The following PPP1R37 variants were observed in gnomAD, a reference collection of about 807,000 sequenced individuals.
PPP1R37 encodes protein phosphatase 1 regulatory subunit 37, also known as leucine rich repeat containing 68.
In PPP1R37, 21 loss-of-function variants were observed where a neutral mutation model predicts 61.0. That is an observed-to-expected ratio of 0.34 (90% CI 0.24 to 0.50). The LOEUF (loss-of-function observed/expected upper bound fraction) is 0.50, where lower values mean the gene tolerates loss of function less well. PPP1R37 is among the 20% of genes least tolerant of loss of function. The pLI is 0.98. For missense variants in PPP1R37, 910 were observed against 952.7 expected (o/e 0.96, Z 0.59); for synonymous variants, 443 against 433.5 (o/e 1.02, Z -0.27).
At chr19:45,143,842 T>G (rs1968646666) in intron 8 of PPP1R37, 2 of 431,872 alleles carry the variant, frequency 4.6e-6, no homozygotes, top group Non-Finnish European at 8.4e-6. Flanking sequence ...ATCTCCTTTT[T>G]TTTTTTGAGA....
At chr19:45,141,194 T>C in intron 4 of PPP1R37, 128 bp from the exon 5 acceptor site, 1 of 1,036,784 alleles carries the variant, frequency 9.6e-7, no homozygotes, top group Non-Finnish European at 1.3e-6. Context: ...GTGCTTGTCC[T>C]CCTCTCCCGT....
chr19:45,145,790 C>G lies in PPP1R37; in HGVS notation c.1734C>G (p.Pro578=). 6 of 1,505,964 alleles carry G rather than the reference C, an allele frequency of 4.0e-6. No homozygotes were observed. The East Asian group carries it at 7.4e-5, about 19-fold the overall frequency. 93.3% of individuals were successfully genotyped at this position (1,505,964 alleles called of 1,614,324 possible). A position where few individuals can be genotyped will look rare whatever the true frequency, so the allele number is the denominator to read the frequency against. ...VFVVTRVESP[P]ERAEPPASPT... ...TGGTGACCCGGGTGGAGAGCCCGCCCGAGAGGGCAGAGCCCCCTGCGTCCC... is the reference window on the plus strand; with the variant it reads ...TGGTGACCCGGGTGGAGAGCCCGCCGGAGAGGGCAGAGCCCCCTGCGTCCC... The change falls in exon 11 of 13, where the codon CCC becomes CCG. Residue 578 remains proline, a synonymous_variant. Coordinates refer to ENST00000221462, the MANE Select transcript of PPP1R37 (RefSeq NM_019121.2).
intron 1 of PPP1R37, among the ~76,000 whole-genome samples, chr19:45,097,362 CG>C (rs1568438253): frequency 1.3e-5 from 2 of 151,902 alleles, no homozygotes; most frequent in African/African-American, 2.4e-5. Flanking sequence ...GCTGTTGTGC[CG>C]TGCTAGAGAT....
At chr19:45,127,123 G>A (rs1599703661) in intron 1 of PPP1R37, among the ~76,000 whole-genome samples, 1 of 152,102 alleles carries the variant, frequency 6.6e-6, no homozygotes, top group Non-Finnish European at 1.5e-5. Flanking sequence ...TTCTAGATGG[G>A]CGGATCACCT....
At position 45,138,140 on chromosome 19, in the gene PPP1R37, C is replaced by T. The variant is rs114542848; in HGVS notation, c.203-374C>T. ...CCTGTCTCAAAAACAAACAAAACAC[C>T]GAGACAGTGTTGGAGACATGGTGGT... On this transcript the variant is annotated intron_variant, in intron 1 of 12. Coordinates refer to ENST00000221462, the MANE Select transcript of PPP1R37 (RefSeq NM_019121.2). Among the ~76,000 whole-genome samples the T allele has an allele frequency of 9.0e-3, 1,368 of 152,230 alleles. 18 individuals are homozygous for T. The highest frequency in any genetic ancestry group is 0.03 in the African/African-American group (1,233 of 41,530).
chr19:45,121,749 A>G lies in PPP1R37; in HGVS notation c.203-16765A>G, dbSNP rs1194911928. ...ACGGGCGTCATTCTGTGGTTGCTCC[A>G]GGATTGGACTTAGAAATCTGGGTTT... On this transcript the variant is annotated intron_variant, in intron 1 of 12. Coordinates refer to ENST00000221462, the MANE Select transcript of PPP1R37 (RefSeq NM_019121.2). The surrounding 1 kb of genome is among the most constrained non-coding windows in gnomAD (Gnocchi z 4.2). 4.6e-5 allele frequency among the ~76,000 whole-genome samples: 7 copies of G among 152,184 alleles called. No individual in the cohort carries two copies. In the East Asian group the frequency reaches 1.2e-3, roughly 25 times the overall value.
intron 2 of PPP1R37, among the ~76,000 whole-genome samples, chr19:45,139,833 G>C (rs368370718): frequency 3.3e-4 from 50 of 152,348 alleles, no homozygotes; most frequent in African/African-American, 1.2e-3. Context: ...CTGGGCCCCA[G>C]GCCCTGCCTT....
At chr19:45,094,667 G>T (rs1289946933) in intron 1 of PPP1R37, among the ~76,000 whole-genome samples, 1 of 151,922 alleles carries the variant, frequency 6.6e-6, no homozygotes, top group African/African-American at 2.4e-5. Flanking sequence ...GGTGGAGGTT[G>T]CAGTGAGCTA....
chr19:45,117,368 G>A (rs941846445), intron 1 of PPP1R37, among the ~76,000 whole-genome samples: 4 of 152,312 alleles, frequency 2.6e-5, no homozygotes, highest in African/African-American at 7.2e-5. Context: ...AGGCGTGGGC[G>A]AGCCGAGGGT....
intron 1 of PPP1R37, among the ~76,000 whole-genome samples, chr19:45,103,092 C>T (rs1968084346): frequency 6.6e-6 from 1 of 152,238 alleles, no homozygotes; most frequent in Admixed American, 6.5e-5. Flanking sequence ...TGTCTTGGCT[C>T]ACCTGTGTCC....
chr19:45,128,650 C>T, intron 1 of PPP1R37: 1 of 1,242,172 alleles, frequency 8.1e-7, no homozygotes, highest in Non-Finnish European at 1.2e-6. Context: ...TTATGTAACA[C>T]TGGCTTCGTG....
intron 1 of PPP1R37, among the ~76,000 whole-genome samples, chr19:45,134,336 G>A (rs990487204): frequency 1.8e-4 from 28 of 152,154 alleles, no homozygotes; most frequent in African/African-American, 2.7e-4. Flanking sequence ...TAATACTCCC[G>A]TGATGGAAGT....
chr19:45,093,624 T>G, intron 1 of PPP1R37, 97 bp downstream of exon 1: 1 of 876,200 alleles, frequency 1.1e-6, no homozygotes, highest in Non-Finnish European at 1.7e-6. Flanking sequence ...TTCAATAGAT[T>G]GCACCTAATG....
intron 1 of PPP1R37, chr19:45,128,965 C>T: frequency 1.3e-6 from 1 of 783,908 alleles, no homozygotes; most frequent in Non-Finnish European, 2.2e-6. Flanking sequence ...GGAGAAGGGA[C>T]CCTGATCACC....
chr19:45,138,668 T>C (rs1401753415), intron 2 of PPP1R37, 57 bp downstream of exon 2: 10 of 1,304,774 alleles, frequency 7.7e-6, no homozygotes, highest in Non-Finnish European at 1.1e-6. Context: ...GGCCCTAGGG[T>C]GGAACCAGCC....
intron 1 of PPP1R37, among the ~76,000 whole-genome samples, chr19:45,135,506 A>G (rs1018749282): frequency 8.5e-5 from 13 of 152,218 alleles, no homozygotes; most frequent in Non-Finnish European, 1.8e-4. Flanking sequence ...TAAAACAGCT[A>G]CGCTTCTCTT....
At chr19:45,126,292 A>C (rs1968403704) in intron 1 of PPP1R37, among the ~76,000 whole-genome samples, 1 of 152,152 alleles carries the variant, frequency 6.6e-6, no homozygotes, top group Non-Finnish European at 1.5e-5. Flanking sequence ...ACGGTTCTGG[A>C]GGGCAGGGAC....
chr19:45,114,005 G>T (rs62118464), intron 1 of PPP1R37, among the ~76,000 whole-genome samples: 1 of 152,198 alleles, frequency 6.6e-6, no homozygotes, highest in East Asian at 1.9e-4. Context: ...CTGCTGAGGC[G>T]TTGGCCTCTG....
rs775663142 is a variant in PPP1R37 at position 45,145,898 on chromosome 19, C to T, written c.1842C>T (p.Asp614=). The change falls in exon 11 of 13, where the codon GAC becomes GAT. Residue 614 remains aspartate (D), a synonymous_variant. Coordinates refer to ENST00000221462, the MANE Select transcript of PPP1R37 (RefSeq NM_019121.2). ...LPPAGAIDTR[D]TGSSEPQPPP... is the part of the protein sequence containing the mutation. ...CAGCCGGGGCCATTGACACCCGGGACACAGGGTCCTCTGAGCCTCAGCCAC... is the reference window on the plus strand; with the variant it reads ...CAGCCGGGGCCATTGACACCCGGGATACAGGGTCCTCTGAGCCTCAGCCAC... 6.5e-7 allele frequency: 1 copy of T among 1,533,664 alleles called. No homozygotes were observed. Among genetic ancestry groups the T allele is most frequent in the South Asian group, 1.2e-5 (1 of 84,000 alleles).
Sources: allele counts gnomAD v4.1 joint callset (sites outside exome capture counted in the v4.1 genomes callset), GRCh38; gene constraint gnomAD v4.1.1; non-coding constraint Gnocchi (gnomAD v3.1); transcripts MANE v1.5; gene names NCBI Gene and HGNC (gene_info 2026-07-23, HGNC 2026-07-21).